The following ARNT variants were observed in gnomAD, a reference collection of about 807,000 sequenced individuals.
ARNT encodes the protein aryl hydrocarbon receptor nuclear translocator.
In ARNT, 30 loss-of-function variants were observed where a neutral mutation model predicts 105.0. That is an observed-to-expected ratio of 0.29 (90% CI 0.21 to 0.39). The LOEUF (loss-of-function observed/expected upper bound fraction) is 0.39, where lower values mean the gene tolerates loss of function less well. Among genes scored for constraint, ARNT ranks in the 10% least tolerant of loss-of-function variants. The probability of loss-of-function intolerance (pLI) is 1.00; values close to 1 mark genes in which losing one functional copy is unlikely to be tolerated. For synonymous variants in ARNT, 304 were observed against 344.0 expected (o/e 0.88, Z 1.29); for missense variants, 748 against 978.7 (o/e 0.76, Z 3.15).
In ARNT at chr1:150,813,071, C is replaced by T. The variant is rs996069567; in HGVS notation, c.2280+101G>A. ...TCTGTCTTCTCACATATACCCCCAA[C>T]CAAACACCTCAATCCAGGCATGCTT... On this transcript the variant is annotated intron_variant, in intron 21 of 21. Coordinates refer to ENST00000358595, the MANE Select transcript of ARNT (RefSeq NM_001668.4). 6 of 1,362,580 alleles carry T rather than the reference C, an allele frequency of 4.4e-6. No individual in the cohort carries two copies. The African/African-American group carries it at 7.3e-5, about 16-fold the overall frequency. 84.4% of individuals were successfully genotyped at this position (1,362,580 alleles called of 1,614,324 possible).
chr1:150,876,169 C>T (rs1262269729), intron 1 of ARNT, among the ~76,000 whole-genome samples: 2 of 152,258 alleles, frequency 1.3e-5, no homozygotes, highest in Non-Finnish European at 2.9e-5. Context: ...AACCGAGACA[C>T]TCTGCCTACA....
At chr1:150,856,761 C>A (rs1352880356) in intron 2 of ARNT, among the ~76,000 whole-genome samples, 2 of 151,594 alleles carry the variant, frequency 1.3e-5, no homozygotes, top group African/African-American at 4.8e-5. Flanking sequence ...GACTCTGCCT[C>A]GAAAATAAAT....
At chr1:150,858,870 G>A (rs1231625400) in intron 1 of ARNT, among the ~76,000 whole-genome samples, 1 of 150,296 alleles carries the variant, frequency 6.7e-6, no homozygotes, top group Admixed American at 6.7e-5. Flanking sequence ...AGATCATCCT[G>A]CTTTGGCATC....
chr1:150,863,538 A>T (rs1666031537), intron 1 of ARNT, among the ~76,000 whole-genome samples: 1 of 151,906 alleles, frequency 6.6e-6, no homozygotes, highest in Non-Finnish European at 1.5e-5. Context: ...CCTTAAAAAA[A>T]GTAAAGGAGA....
At chr1:150,839,736 T>C (rs1660941969) in intron 5 of ARNT, 82 bp from the exon 6 acceptor site, 3 of 1,379,266 alleles carry the variant, frequency 2.2e-6, no homozygotes, top group East Asian at 5.0e-5. Context: ...GGATACCAAG[T>C]GTGCTGCTGA....
At chr1:150,858,768 C>T (rs587693704) in intron 1 of ARNT, among the ~76,000 whole-genome samples, 13 of 151,702 alleles carry the variant, frequency 8.6e-5, no homozygotes, top group Admixed American at 4.6e-4. Flanking sequence ...ACTATAGGCC[C>T]GCACTACCAC....
chr1:150,848,568 G>A (rs1007188483), intron 3 of ARNT, among the ~76,000 whole-genome samples: 3 of 152,066 alleles, frequency 2.0e-5, no homozygotes, highest in Non-Finnish European at 2.9e-5. Flanking sequence ...AGGCAAGGTC[G>A]CCCAGGTTGG....
chr1:150,838,771 C>G (rs866422706), intron 6 of ARNT, among the ~76,000 whole-genome samples: 1 of 152,176 alleles, frequency 6.6e-6, no homozygotes, highest in African/African-American at 2.4e-5. Flanking sequence ...CTTCCCTAAC[C>G]ATCCTCACTC....
intron 21 of ARNT, among the ~76,000 whole-genome samples, chr1:150,812,325 C>T (rs1278409799): frequency 6.6e-6 from 1 of 152,134 alleles, no homozygotes; most frequent in Non-Finnish European, 1.5e-5. Flanking sequence ...CCACCTTTTT[C>T]CTTTTCCTAG....
chr1:150,843,796 A>G (rs1661690951), intron 4 of ARNT, among the ~76,000 whole-genome samples: 1 of 152,238 alleles, frequency 6.6e-6, no homozygotes, highest in African/African-American at 2.4e-5. Flanking sequence ...ATATAATCCC[A>G]AAAGTTTTTC....
chr1:150,853,343 T>C, intron 2 of ARNT: 1 of 286,164 alleles, frequency 3.5e-6, no homozygotes, highest in South Asian at 2.8e-5. Context: ...CCTTAACACT[T>C]TCCTAGAGTA....
At chr1:150,814,365 T>C in intron 19 of ARNT, 126 bp from the exon 20 acceptor site, 4 of 897,724 alleles carry the variant, frequency 4.5e-6, no homozygotes, top group Non-Finnish European at 6.6e-6. Context: ...ACTTATTTCC[T>C]ATTGTATATT....
chr1:150,873,736 T>A (rs1195362093), intron 1 of ARNT, among the ~76,000 whole-genome samples: 1 of 151,864 alleles, frequency 6.6e-6, no homozygotes, highest in Non-Finnish European at 1.5e-5. Flanking sequence ...CTGGGCAACA[T>A]AGCAAGATCC....
rs1663866797 is a variant in ARNT, at chr1:150,852,775, T to A, written c.169A>T (p.Ser57Cys). Residue 57 changes from serine to cysteine, a missense_variant, in exon 3 of 22, where the codon AGT (serine) becomes TGT (cysteine). Physicochemically the swap from Ser to Cys is moderately radical, Grantham distance 112. This residue lies in a region of ARNT where 93 missense variants were observed against 101.6 expected (regional missense o/e 0.92). Transcript: ENST00000358595. The part of the protein sequence containing the change: ...LDFDDDGEGN[S>C]KFLRCDDDQM... Reference sequence around the variant, plus strand: ...TCAGTCTCTTACCTCAAAAATTTACTGTTCCCTTCTCCATCATCATCAAAA... The same window carrying A: ...TCAGTCTCTTACCTCAAAAATTTACAGTTCCCTTCTCCATCATCATCAAAA... 1.9e-6 allele frequency: 3 copies of A among 1,613,746 alleles called. No individual in the cohort carries two copies. The East Asian group carries it at 6.7e-5, about 36-fold the overall frequency.
In ARNT at chr1:150,824,644, G is replaced by A. The variant is rs185454999; in HGVS notation, c.1243-1299C>T. 2.0e-4 allele frequency among the ~76,000 whole-genome samples: 31 copies of A among 151,356 alleles called. No homozygotes were observed. The East Asian group carries it at 6.1e-3, about 30-fold the overall frequency. On this transcript the variant is annotated intron_variant, in intron 13 of 21. Transcript: ENST00000358595. Reference sequence around the variant, plus strand: ...TAATTTTTGTATTTTTAGTAGAGACGGGTTTTCACCATGTTGGCTAGGCTG... The same window carrying A: ...TAATTTTTGTATTTTTAGTAGAGACAGGTTTTCACCATGTTGGCTAGGCTG...
chr1:150,819,364 C>T (rs897488853), intron 14 of ARNT, among the ~76,000 whole-genome samples: 3 of 152,150 alleles, frequency 2.0e-5, no homozygotes, highest in African/African-American at 7.2e-5. Flanking sequence ...ATGTGGCCAG[C>T]AATTCCACTC....
At chr1:150,842,010 G>A (rs974691857) in intron 5 of ARNT, among the ~76,000 whole-genome samples, 1 of 152,184 alleles carries the variant, frequency 6.6e-6, no homozygotes, top group Non-Finnish European at 1.5e-5. Context: ...TCCTAGAGGT[G>A]TGGAGTAAAT....
At chr1:150,817,282 T>G in intron 16 of ARNT, 79 bp downstream of exon 16, 2 of 1,611,652 alleles carry the variant, frequency 1.2e-6, no homozygotes, top group African/African-American at 1.3e-5. Flanking sequence ...ATACAACATA[T>G]GTACATTCTA....
At chr1:150,835,720 G>C (rs587712294) in intron 7 of ARNT, among the ~76,000 whole-genome samples, 1 of 151,680 alleles carries the variant, frequency 6.6e-6, no homozygotes, top group South Asian at 2.1e-4. Flanking sequence ...TTTTTTTCTA[G>C]AGTTGCTCAA....
Sources: gnomAD v4.1 joint callset for allele counts (sites outside exome capture counted in the v4.1 genomes callset) on GRCh38, gnomAD v4.1.1 for gene constraint, gnomAD v4.1.1 regional missense constraint, MANE v1.5 for transcripts, NCBI Gene and HGNC (gene_info 2026-07-23, HGNC 2026-07-21) for gene names.